SORBS2: variants seen among roughly 807,000 people sequenced by gnomAD.
The protein encoded by SORBS2 is sorbin and SH3 domain-containing protein 2.
A neutral mutation model predicts 97.7 loss-of-function variants in SORBS2; 46 were observed. The observed-to-expected ratio is 0.47, with a 90% confidence interval of 0.37 to 0.60. The LOEUF is 0.60. Among genes scored for constraint, SORBS2 ranks in the 20% least tolerant of loss-of-function variants. The pLI is 0.00. For missense variants in SORBS2, 1,316 were observed against 1,282.3 expected (o/e 1.03, Z -0.40); for synonymous variants, 476 against 473.4 (o/e 1.01, Z -0.07).
At chr4:185,753,330 C>T (rs1236723594) in intron 2 of SORBS2, among the ~76,000 whole-genome samples, 7 of 152,054 alleles carry the variant, frequency 4.6e-5, no homozygotes, top group Non-Finnish European at 2.9e-5. Context: ...AAGATAGATG[C>T]GGCTAGAAAG....
intron 10 of SORBS2, 36 bp downstream of exon 22, chr4:185,615,009 C>T: frequency 6.2e-7 from 1 of 1,613,434 alleles, no homozygotes. Context: ...ACCTTTGAAA[C>T]CACCGCCATC....
At chr4:185,781,513 ATTGCCTC>A (rs2099028920) in intron 1 of SORBS2, among the ~76,000 whole-genome samples, 1 of 150,520 alleles carries the variant, frequency 6.6e-6, no homozygotes, top group African/African-American at 2.4e-5. Flanking sequence ...CCTCCCTTCC[ATTGCCTC>A]CCGCCTCTCC....
At chr4:185,691,784 G>A (rs968999360) in intron 2 of SORBS2, among the ~76,000 whole-genome samples, 2 of 151,750 alleles carry the variant, frequency 1.3e-5, no homozygotes, top group East Asian at 3.9e-4. Flanking sequence ...TCGCTCTGTC[G>A]CCCAGGCTGG....
At chr4:185,763,132 T>C (rs1225675266) in intron 2 of SORBS2, among the ~76,000 whole-genome samples, 1 of 152,144 alleles carries the variant, frequency 6.6e-6, no homozygotes, top group Non-Finnish European at 1.5e-5. Context: ...GAGGTTGCAG[T>C]GAGCCGAGAT....
intron 2 of SORBS2, among the ~76,000 whole-genome samples, chr4:185,708,585 A>C (rs2098380958): frequency 6.6e-6 from 1 of 152,226 alleles, no homozygotes; most frequent in East Asian, 1.9e-4. Flanking sequence ...AAATGACTTC[A>C]TATACATTTG....
upstream of SORBS2, chr4:185,657,478 A>G: frequency 6.4e-7 from 1 of 1,567,880 alleles, no homozygotes; most frequent in Non-Finnish European, 8.6e-7. Context: ...TCCCTGGGTA[A>G]TGCGGGGCTT....
intron 1 of SORBS2, among the ~76,000 whole-genome samples, chr4:185,850,539 C>T (rs1179414195): frequency 5.9e-5 from 9 of 152,276 alleles, no homozygotes; most frequent in Admixed American, 5.9e-4. Flanking sequence ...AAAATAGGGA[C>T]TTAATGAATT....
At chr4:185,877,624 G>A (rs192285429) in intron 1 of SORBS2, among the ~76,000 whole-genome samples, 1 of 151,964 alleles carries the variant, frequency 6.6e-6, no homozygotes, top group African/African-American at 2.4e-5. Flanking sequence ...CCCATCACTT[G>A]GGGAGGCCAA....
At chr4:185,934,284 G>A (rs916612350) in intron 1 of SORBS2, among the ~76,000 whole-genome samples, 3 of 152,102 alleles carry the variant, frequency 2.0e-5, no homozygotes, top group Non-Finnish European at 4.4e-5. Context: ...TCTTCATGGC[G>A]TGACCTCTGT....
intron 1 of SORBS2, among the ~76,000 whole-genome samples, chr4:185,926,039 C>T (rs187206667): frequency 1.3e-5 from 2 of 152,348 alleles, no homozygotes; most frequent in East Asian, 3.9e-4. Flanking sequence ...AGGAGCCACA[C>T]TACCCTTCCT....
intron 1 of SORBS2, among the ~76,000 whole-genome samples, chr4:185,797,403 C>A (rs2099109986): frequency 6.6e-6 from 1 of 152,188 alleles, no homozygotes. Context: ...TTTTCACCCA[C>A]AAATATGATC....
At chr4:185,821,057 C>T (rs572631904) in intron 1 of SORBS2, among the ~76,000 whole-genome samples, 20 of 152,358 alleles carry the variant, frequency 1.3e-4, no homozygotes, top group African/African-American at 4.6e-4. Context: ...AAGCACTGCC[C>T]ACCTTCTGGG....
chr4:185,895,630 G>A (rs1413220791), intron 1 of SORBS2, among the ~76,000 whole-genome samples: 1 of 152,228 alleles, frequency 6.6e-6, no homozygotes, highest in East Asian at 1.9e-4. Flanking sequence ...CTCAGTGTCT[G>A]TGGTCCTAGA....
intron 1 of SORBS2, among the ~76,000 whole-genome samples, chr4:185,934,079 A>C (rs1027477218): frequency 6.6e-6 from 1 of 152,200 alleles, no homozygotes; most frequent in African/African-American, 2.4e-5. Context: ...AACTTTTCCC[A>C]GTAGGTTTCA....
At chr4:185,650,287 C>T (rs6821894) in intron 2 of SORBS2, among the ~76,000 whole-genome samples, 104,319 of 152,014 alleles carry the variant, frequency 0.69, 36,162 homozygotes, top group African/African-American at 0.8. Flanking sequence ...TTAAAGGATG[C>T]TAGTAGGTGG....
At chr4:185,753,078 G>A (rs79939690) in intron 2 of SORBS2, among the ~76,000 whole-genome samples, 5,194 of 152,316 alleles carry the variant, frequency 0.034, 286 homozygotes, top group African/African-American at 0.12. Context: ...TGAGGGCTTC[G>A]TGGCTGCTAC....
intron 2 of SORBS2, among the ~76,000 whole-genome samples, chr4:185,727,287 A>G (rs1299137748): frequency 6.6e-6 from 1 of 152,198 alleles, no homozygotes; most frequent in Non-Finnish European, 1.5e-5. Flanking sequence ...TAACGACCCT[A>G]TTGCTTATGC....
intron 2 of SORBS2, among the ~76,000 whole-genome samples, chr4:185,723,139 TAA>T (rs111928879): frequency 3.5e-4 from 52 of 150,226 alleles, no homozygotes; most frequent in African/African-American, 1.2e-3. Context: ...CAATAACCAT[TAA>T]AAAAAAATAA....
At chr4:185,889,358 AT>A (rs60646778) in intron 1 of SORBS2, among the ~76,000 whole-genome samples, 4,381 of 147,038 alleles carry the variant, frequency 0.03, 156 homozygotes, top group African/African-American at 0.091. Flanking sequence ...TTCCACAGTC[AT>A]TTTTTTTTTT....
Sources: allele counts gnomAD v4.1 joint callset (sites outside exome capture counted in the v4.1 genomes callset), GRCh38; gene constraint gnomAD v4.1.1; transcripts MANE v1.5; gene names NCBI Gene and HGNC (gene_info 2026-07-23, HGNC 2026-07-21).